PCDH7: variants seen among roughly 807,000 people sequenced by gnomAD.
PCDH7 encodes protocadherin-7.
A neutral mutation model predicts 58.9 loss-of-function variants in PCDH7; 17 were observed. The ratio of observed to expected loss-of-function variants is 0.29; its 90% confidence interval spans 0.20 to 0.43. The LOEUF (loss-of-function observed/expected upper bound fraction) is 0.43. PCDH7 is among the 20% of genes least tolerant of loss of function. The pLI, the probability that PCDH7 is intolerant of heterozygous loss-of-function variation, is 1.00. For synonymous variants in PCDH7, 664 were observed against 616.4 expected (o/e 1.08, Z -1.14); for missense variants, 1,274 against 1,441.0 (o/e 0.88, Z 1.88).
chr4:31,056,640 GAGAGAGAGAA>G (rs1469658117), intron 3 of PCDH7, among the ~76,000 whole-genome samples: 68 of 149,352 alleles, frequency 4.6e-4, no homozygotes, highest in Admixed American at 6.7e-4. Flanking sequence ...AGAGAGGAGA[GAGAGAGAGAA>G]AGAGAGAGAG....
At chr4:31,050,388 C>T (rs772840986) in intron 3 of PCDH7, among the ~76,000 whole-genome samples, 2 of 152,084 alleles carry the variant, frequency 1.3e-5, no homozygotes, top group Non-Finnish European at 2.9e-5. Flanking sequence ...ATAAATTTTA[C>T]ATGACACAAT....
chr4:31,140,358 A>G (rs1720096653), intron 3 of PCDH7, among the ~76,000 whole-genome samples: 2 of 152,280 alleles, frequency 1.3e-5, no homozygotes, highest in Middle Eastern at 6.8e-3. Flanking sequence ...AGATGATTGG[A>G]GACAATTCAG....
chr4:30,984,661 G>A (rs1013566566), intron 3 of PCDH7, among the ~76,000 whole-genome samples: 2 of 151,820 alleles, frequency 1.3e-5, no homozygotes, highest in Admixed American at 1.3e-4. Flanking sequence ...CAAAATTTGT[G>A]TGTTCTTGTG....
intron 1 of PCDH7, among the ~76,000 whole-genome samples, chr4:30,885,749 G>C (rs1486458586): frequency 6.6e-6 from 1 of 152,084 alleles, no homozygotes; most frequent in Non-Finnish European, 1.5e-5. Flanking sequence ...AACCAAAACA[G>C]CATGGTACTG....
chr4:31,145,013 A>G (rs914239836), downstream of PCDH7: 1 of 152,090 alleles, frequency 6.6e-6, no homozygotes, highest in Non-Finnish European at 1.5e-5. Flanking sequence ...TGCACGTTAC[A>G]AAGAAAATAC....
chr4:30,798,882 A>G (rs371542502), intron 1 of PCDH7, among the ~76,000 whole-genome samples: 2 of 152,352 alleles, frequency 1.3e-5, no homozygotes, highest in Admixed American at 1.3e-4. Flanking sequence ...ATTTTTAAAA[A>G]TAATTTGTTT....
intron 1 of PCDH7, among the ~76,000 whole-genome samples, chr4:30,859,271 C>T (rs553248478): frequency 3.3e-5 from 5 of 152,138 alleles, no homozygotes; most frequent in South Asian, 4.2e-4. Flanking sequence ...CATTTTAAAT[C>T]GTTTATCAAT....
At chr4:31,054,064 C>T (rs959860569) in intron 3 of PCDH7, among the ~76,000 whole-genome samples, 2 of 152,068 alleles carry the variant, frequency 1.3e-5, no homozygotes, top group Non-Finnish European at 2.9e-5. Context: ...CTCCCAGGCT[C>T]AAGCAATCCT....
chr4:31,092,663 C>T (rs565743923), intron 3 of PCDH7, among the ~76,000 whole-genome samples: 28 of 152,086 alleles, frequency 1.8e-4, no homozygotes, highest in African/African-American at 6.7e-4. Context: ...CCTATAGATG[C>T]AATTTAAGAG....
chr4:30,812,385 A>T (rs1577902226), intron 1 of PCDH7, among the ~76,000 whole-genome samples: 1 of 152,194 alleles, frequency 6.6e-6, no homozygotes, highest in Non-Finnish European at 1.5e-5. Flanking sequence ...TACATGAAAA[A>T]TAATGTAACA....
chr4:31,121,257 A>G (rs1717660120), intron 3 of PCDH7, among the ~76,000 whole-genome samples: 1 of 152,218 alleles, frequency 6.6e-6, no homozygotes, highest in Non-Finnish European at 1.5e-5. Flanking sequence ...TATTCACTTA[A>G]GACCAATTTT....
intron 3 of PCDH7, among the ~76,000 whole-genome samples, chr4:31,004,221 C>T (rs138077387): frequency 6.6e-6 from 1 of 152,048 alleles, no homozygotes. Context: ...TCCCACGTGC[C>T]GCTTTCTGCT....
At chr4:30,742,965 T>G (rs1160535189) in intron 1 of PCDH7, among the ~76,000 whole-genome samples, 1 of 152,196 alleles carries the variant, frequency 6.6e-6, no homozygotes, top group African/African-American at 2.4e-5. Context: ...GTTGAGCAAA[T>G]CACTCAACTT....
At chr4:31,129,483 T>C (rs1266412471) in intron 3 of PCDH7, among the ~76,000 whole-genome samples, 1 of 152,130 alleles carries the variant, frequency 6.6e-6, no homozygotes, top group African/African-American at 2.4e-5. Flanking sequence ...TGGCAACATG[T>C]GAGATCCGAA....
intron 3 of PCDH7, among the ~76,000 whole-genome samples, chr4:31,000,859 A>G (rs11932405): frequency 0.063 from 9,642 of 152,154 alleles, 403 homozygotes; most frequent in Non-Finnish European, 0.092. Context: ...TGGAGGAGCT[A>G]TTACTATTGT....
At chr4:31,083,934 T>A (rs1711960306) in intron 3 of PCDH7, among the ~76,000 whole-genome samples, 1 of 152,242 alleles carries the variant, frequency 6.6e-6, no homozygotes, top group Non-Finnish European at 1.5e-5. Context: ...TTTAAAACTT[T>A]TAAGTAGAAA....
At chr4:30,963,168 C>G (rs754710625) in intron 3 of PCDH7, among the ~76,000 whole-genome samples, 19 of 152,172 alleles carry the variant, frequency 1.2e-4, no homozygotes, top group Non-Finnish European at 2.5e-4. Context: ...CTCACAGATT[C>G]CTCTGGCTTT....
At chr4:30,876,113 CT>C (rs1736253425) in intron 1 of PCDH7, among the ~76,000 whole-genome samples, 1 of 152,042 alleles carries the variant, frequency 6.6e-6, no homozygotes, top group Non-Finnish European at 1.5e-5. Context: ...AGCATTTTTC[CT>C]CCACCTAATT....
chr4:30,837,107 A>G (rs1025497381), intron 1 of PCDH7, among the ~76,000 whole-genome samples: 7 of 150,396 alleles, frequency 4.7e-5, no homozygotes, highest in Non-Finnish European at 8.9e-5. Context: ...TGTCTTTTTA[A>G]TTTTTTTTTT....
Sources: allele counts gnomAD v4.1 joint callset (sites outside exome capture counted in the v4.1 genomes callset), GRCh38; gene constraint gnomAD v4.1.1; transcripts MANE v1.5; gene names NCBI Gene and HGNC (gene_info 2026-07-23, HGNC 2026-07-21).